Variants in NKAIN2 observed in about 807,000 individuals in gnomAD.
The protein encoded by NKAIN2 is sodium/potassium-transporting ATPase subunit beta-1-interacting protein 2.
Under a neutral mutation model 32.6 loss-of-function variants are expected in NKAIN2, and 14 were observed. That is an observed-to-expected ratio of 0.43 (90% CI 0.28 to 0.67). The LOEUF is 0.67. Among genes scored for constraint, NKAIN2 ranks in the 30% least tolerant of loss-of-function variants. The pLI is 0.17. For synonymous variants in NKAIN2, 80 were observed against 87.2 expected (o/e 0.92, Z 0.46); for missense variants, 198 against 258.3 (o/e 0.77, Z 1.60).
chr6:124,217,814 C>CAT (rs1003397433), intron 1 of NKAIN2, among the ~76,000 whole-genome samples: 3 of 151,942 alleles, frequency 2.0e-5, no homozygotes, highest in African/African-American at 7.2e-5. Context: ...CACACACACA[C>CAT]ATATCTATAT....
At chr6:124,695,255 C>T (rs1774445529) in intron 4 of NKAIN2, among the ~76,000 whole-genome samples, 2 of 151,832 alleles carry the variant, frequency 1.3e-5, no homozygotes, top group African/African-American at 2.4e-5. Context: ...ATAAACAACC[C>T]TTTCTGCCTC....
chr6:124,427,825 C>T (rs376223928), intron 3 of NKAIN2, among the ~76,000 whole-genome samples: 29 of 152,144 alleles, frequency 1.9e-4, no homozygotes, highest in African/African-American at 3.9e-4. Context: ...TTCAGTGTCA[C>T]GAAACCACGG....
At chr6:124,294,423 C>T (rs571294344) in intron 2 of NKAIN2, among the ~76,000 whole-genome samples, 1 of 152,050 alleles carries the variant, frequency 6.6e-6, no homozygotes, top group Admixed American at 6.6e-5. Context: ...TAATTATAAA[C>T]AATTATTTTT....
chr6:124,477,469 G>C (rs1175397917), intron 3 of NKAIN2, among the ~76,000 whole-genome samples: 1 of 152,080 alleles, frequency 6.6e-6, no homozygotes, highest in Non-Finnish European at 1.5e-5. Flanking sequence ...TGTGTCACCT[G>C]TGAGAACCAA....
intron 3 of NKAIN2, among the ~76,000 whole-genome samples, chr6:124,575,187 T>C (rs1781283896): frequency 6.6e-6 from 1 of 152,198 alleles, no homozygotes; most frequent in Non-Finnish European, 1.5e-5. Context: ...TGGCCCTTAA[T>C]TTATCCTGTC....
At chr6:123,933,805 C>G (rs1436691101) in intron 1 of NKAIN2, among the ~76,000 whole-genome samples, 1 of 152,178 alleles carries the variant, frequency 6.6e-6, no homozygotes, top group Non-Finnish European at 1.5e-5. Flanking sequence ...TGCTGAACTC[C>G]CACTTATTTT....
chr6:124,202,451 A>G (rs1453085345), intron 1 of NKAIN2, among the ~76,000 whole-genome samples: 3 of 151,476 alleles, frequency 2.0e-5, no homozygotes, highest in African/African-American at 7.3e-5. Context: ...CTGAGTGAAT[A>G]AAAGAATATA....
At position 124,129,911 on chromosome 6, in the gene NKAIN2, C is replaced by T. The variant is rs574603031; in HGVS notation, c.55-153094C>T. Reference sequence around the variant, plus strand: ...GGGATTATAGGCGTGAGCCACCCCACCTGGCACTGAAGAGCAATTTTTTAA... The same window carrying T: ...GGGATTATAGGCGTGAGCCACCCCATCTGGCACTGAAGAGCAATTTTTTAA... On this transcript the variant is annotated intron_variant, in intron 1 of 6. Transcript: ENST00000368417. Among the ~76,000 whole-genome samples the T allele has an allele frequency of 6.8e-4, 104 of 152,302 alleles. 1 individual carries two copies. The highest frequency in any genetic ancestry group is 2.5e-3 in the African/African-American group (103 of 41,566).
chr6:124,636,499 A>G (rs1783778723), intron 3 of NKAIN2, among the ~76,000 whole-genome samples: 1 of 151,904 alleles, frequency 6.6e-6, no homozygotes, highest in Non-Finnish European at 1.5e-5. Context: ...AAGAAAAACA[A>G]AATCAATAAT....
chr6:123,917,620 C>T (rs1264493898), intron 1 of NKAIN2, among the ~76,000 whole-genome samples: 1 of 152,104 alleles, frequency 6.6e-6, no homozygotes, highest in South Asian at 2.1e-4. Flanking sequence ...GCTCTTGGGC[C>T]TTTCCTTTTC....
intron 1 of NKAIN2, among the ~76,000 whole-genome samples, chr6:124,121,256 C>T (rs370130370): frequency 8.6e-5 from 13 of 151,832 alleles, no homozygotes; most frequent in Non-Finnish European, 1.8e-4. Context: ...AGTGTTGAGA[C>T]GATTTTCAGT....
chr6:124,422,676 A>G (rs1489021322), intron 3 of NKAIN2, among the ~76,000 whole-genome samples: 1 of 152,244 alleles, frequency 6.6e-6, no homozygotes, highest in African/African-American at 2.4e-5. Flanking sequence ...ATTACAAAAA[A>G]CAGCAATAAA....
At chr6:123,993,323 C>A (rs1779489618) in intron 1 of NKAIN2, among the ~76,000 whole-genome samples, 1 of 152,046 alleles carries the variant, frequency 6.6e-6, no homozygotes, top group Admixed American at 6.6e-5. Context: ...ATAAGGGAAT[C>A]AAAATGATAT....
At chr6:124,205,609 T>C (rs922010571) in intron 1 of NKAIN2, among the ~76,000 whole-genome samples, 7 of 151,688 alleles carry the variant, frequency 4.6e-5, no homozygotes, top group African/African-American at 1.7e-4. Flanking sequence ...ACAAAACTTC[T>C]ATTTTCATTC....
At chr6:123,998,849 A>G (rs1416427831) in intron 1 of NKAIN2, among the ~76,000 whole-genome samples, 1 of 150,992 alleles carries the variant, frequency 6.6e-6, no homozygotes, top group Non-Finnish European at 1.5e-5. Context: ...TATCAAAAAG[A>G]TAAAATGACT....
intron 5 of NKAIN2, among the ~76,000 whole-genome samples, chr6:124,807,675 C>T (rs1461964402): frequency 6.7e-6 from 1 of 149,846 alleles, no homozygotes; most frequent in Admixed American, 6.7e-5. Context: ...CACAAAAAAC[C>T]CTTCAAAAAA....
At chr6:124,070,831 A>G (rs1457518156) in intron 1 of NKAIN2, among the ~76,000 whole-genome samples, 1 of 152,172 alleles carries the variant, frequency 6.6e-6, no homozygotes, top group African/African-American at 2.4e-5. Flanking sequence ...ACCAAGTCGG[A>G]GGCATCACAT....
intron 1 of NKAIN2, among the ~76,000 whole-genome samples, chr6:124,016,344 A>G (rs1582933932): frequency 6.6e-6 from 1 of 152,274 alleles, no homozygotes; most frequent in East Asian, 1.9e-4. Context: ...TTAAATTGCC[A>G]TTTTTTATAA....
rs1777879680 is a variant in NKAIN2 at position 124,491,924 on chromosome 6, A to G, written c.273+136577A>G. Among the ~76,000 whole-genome samples, 3 of 151,906 alleles carry G rather than the reference A, an allele frequency of 2.0e-5. No homozygotes were observed. In the South Asian group the frequency reaches 6.2e-4, roughly 31 times the overall value. On this transcript the variant is annotated intron_variant, in intron 3 of 6. Coordinates refer to ENST00000368417, the MANE Select transcript of NKAIN2 (RefSeq NM_001040214.3). The stretch of plus-strand genomic sequence containing the variant: ...AGGGATATGCCCACCTTTGTGTGAG[A>G]AAGTCCTCTAGAATTTAAGCTTACA...
Sources: gnomAD v4.1 joint callset for allele counts (sites outside exome capture counted in the v4.1 genomes callset) on GRCh38, gnomAD v4.1.1 for gene constraint, MANE v1.5 for transcripts, NCBI Gene and HGNC (gene_info 2026-07-23, HGNC 2026-07-21) for gene names.